KCTD19: variants seen among roughly 807,000 people sequenced by gnomAD.
KCTD19 encodes the protein potassium channel tetramerization domain containing 19.
A neutral mutation model predicts 103.5 loss-of-function variants in KCTD19; 67 were observed. That is an observed-to-expected ratio of 0.65 (90% confidence interval 0.53 to 0.79). The LOEUF (loss-of-function observed/expected upper bound fraction) is 0.79. Among genes scored for constraint, KCTD19 ranks in the 30% least tolerant of loss-of-function variants. The pLI is 0.00. For synonymous variants in KCTD19, 439 were observed against 452.2 expected, an observed-to-expected ratio of 0.97 and a Z score of 0.37; for missense variants, 980 against 1,136.1, an observed-to-expected ratio of 0.86 and a Z score of 1.98.
intron 2 of KCTD19, chr16:67,305,497 TC>T: frequency 2.5e-6 from 1 of 399,854 alleles, no homozygotes; most frequent in Non-Finnish European, 5.0e-6. Flanking sequence ...GCTTGAAGGA[TC>T]AGGCGACCAG....
At chr16:67,292,373 C>T (rs1459755506) in intron 12 of KCTD19, among the ~76,000 whole-genome samples, 2 of 152,150 alleles carry the variant, frequency 1.3e-5, no homozygotes, top group South Asian at 2.1e-4. Context: ...CTCTTCATTG[C>T]CCTGGCATCA....
intron 4 of KCTD19, chr16:67,302,862 C>T (rs1236473679): frequency 1.6e-5 from 7 of 428,310 alleles, no homozygotes; most frequent in Non-Finnish European, 2.5e-5. Context: ...GCTCCCTGCC[C>T]TTCACACCAA....
intron 8 of KCTD19, 64 bp downstream of exon 8, chr16:67,296,095 G>A: frequency 1.1e-6 from 1 of 947,312 alleles, no homozygotes; most frequent in Non-Finnish European, 1.7e-6. Flanking sequence ...GCCAGGTGAT[G>A]GCCCCCAGAG....
Position 67,303,108 on chromosome 16 carries a change from C to CGGGGGGGGGGGGGGGGCG in KCTD19, c.643+37_643+38insCGCCCCCCCCCCCCCCCC. 1.3e-6 allele frequency: 1 copy of CGGGGGGGGGGGGGGGGCG among 798,078 alleles called. No individual in the cohort carries two copies. The highest frequency in any genetic ancestry group is 2.8e-5 in the East Asian group (1 of 36,056). The allele number at this position is 798,078 out of a possible 1,614,324, so 49.4% of individuals were successfully genotyped here. ...ATGGGGAGGGGTGAATGGGCCCTAT[C>CGGGGGGGGGGGGGGGGCG]AGCCCGCCCCCCACCCCACCCCGGA... is the stretch of plus-strand genomic sequence containing the variant. On this transcript the variant is annotated intron_variant, in intron 4 of 15. Transcript: ENST00000304372. This position sits in a 1 kb window ranked among gnomAD's most constrained non-coding sequence, Gnocchi z 4.3.
chr16:67,294,213 T>C (rs758373760), intron 11 of KCTD19, 42 bp from the exon 12 acceptor site: 1 of 1,565,656 alleles, frequency 6.4e-7, no homozygotes, highest in Non-Finnish European at 8.7e-7. Flanking sequence ...AGGTTGGGCA[T>C]GGACATCAAC....
chr16:67,299,644 G>T (rs778014260), intron 5 of KCTD19, 71 bp from the exon 6 acceptor site: 1 of 1,288,394 alleles, frequency 7.8e-7, no homozygotes, highest in South Asian at 1.2e-5. Context: ...TTTGGGGCTC[G>T]GTTCCTACTG....
At position 67,295,243 on chromosome 16, in the gene KCTD19, T is replaced by C; in HGVS notation, c.1391+20A>G. The C allele has an allele frequency of 6.2e-7, 1 of 1,612,884 alleles. No individual in the cohort carries two copies. On this transcript the variant is annotated intron_variant, in intron 9 of 15. Coordinates refer to ENST00000304372, the MANE Select transcript of KCTD19 (RefSeq NM_001100915.3). ...GTCAGCCTTCGTGATTTCATCTTAC[T>C]GCGTCCTTGCTTCACTTACTTAAAT...
chr16:67,311,323 G>A (rs1374491365), intron 2 of KCTD19, among the ~76,000 whole-genome samples: 1 of 151,840 alleles, frequency 6.6e-6, no homozygotes, highest in African/African-American at 2.4e-5. Flanking sequence ...TTGAGATGGA[G>A]TCTCACTCTG....
intron 12 of KCTD19, 63 bp from the exon 13 acceptor site, chr16:67,291,900 T>A: frequency 8.3e-7 from 1 of 1,209,232 alleles, no homozygotes; most frequent in Non-Finnish European, 1.1e-6. Flanking sequence ...CAAGATAGAG[T>A]TTTGCTTTTG....
At chr16:67,317,742 T>C (rs1234620299) in intron 2 of KCTD19, among the ~76,000 whole-genome samples, 1 of 152,214 alleles carries the variant, frequency 6.6e-6, no homozygotes, top group African/African-American at 2.4e-5. Flanking sequence ...AGTATAAAAT[T>C]ACATAAGTGG....
rs533173839 is a variant in KCTD19 at position 67,303,035 on chromosome 16, A to G, written c.643+111T>C. On this transcript the variant is annotated intron_variant, in intron 4 of 15. Coordinates refer to ENST00000304372, the MANE Select transcript of KCTD19 (RefSeq NM_001100915.3). This position sits in a 1 kb window ranked among gnomAD's most constrained non-coding sequence, Gnocchi z 4.3. Reference sequence around the variant, plus strand: ...ATGCTTCCGCTACCTCTGCCCAGGGAAGCTCCTGAGGCCCTGAGCACCAAG... The same window carrying G: ...ATGCTTCCGCTACCTCTGCCCAGGGGAGCTCCTGAGGCCCTGAGCACCAAG... 1.0e-6 allele frequency: 1 copy of G among 998,294 alleles called. No individual in the cohort carries two copies. Among genetic ancestry groups the G allele is most frequent in the Admixed American group, 2.5e-5 (1 of 40,768 alleles). 61.8% of individuals were successfully genotyped at this position (998,294 alleles called of 1,614,324 possible).
At chr16:67,325,463 C>T (rs963350202) in intron 1 of KCTD19, among the ~76,000 whole-genome samples, 28 of 151,552 alleles carry the variant, frequency 1.8e-4, no homozygotes, top group Admixed American at 5.9e-4. Context: ...AGGATGGTCT[C>T]GATCTCCTGA....
At chr16:67,294,265 C>T in intron 11 of KCTD19, 94 bp from the exon 12 acceptor site, 1 of 1,296,792 alleles carries the variant, frequency 7.7e-7, no homozygotes, top group Non-Finnish European at 1.1e-6. Context: ...CAAGACTTCA[C>T]TTGCTCTCCC....
At chr16:67,308,456 C>T (rs540090604) in intron 2 of KCTD19, among the ~76,000 whole-genome samples, 3 of 152,262 alleles carry the variant, frequency 2.0e-5, no homozygotes, top group South Asian at 4.1e-4. Context: ...TGAGCCACTG[C>T]GCCCAGCCTA....
intron 6 of KCTD19, among the ~76,000 whole-genome samples, chr16:67,297,988 C>CTT (rs369980197): frequency 2.2e-5 from 3 of 134,862 alleles, no homozygotes; most frequent in African/African-American, 2.7e-5. Flanking sequence ...GACGGGGTTT[C>CTT]TTTTTTTTTT....
At chr16:67,299,678 C>A in intron 5 of KCTD19, 105 bp from the exon 6 acceptor site, 1 of 873,698 alleles carries the variant, frequency 1.1e-6, no homozygotes, top group Non-Finnish European at 1.8e-6. Context: ...ACCGAGGAGG[C>A]TCAGAGGAAG....
chr16:67,304,527 C>T lies in KCTD19; in HGVS notation c.345G>A (p.Arg115=). The T allele has an allele frequency of 6.2e-7, 1 of 1,614,012 alleles. No individual in the cohort carries two copies. Among genetic ancestry groups the T allele is most frequent in the East Asian group, 2.2e-5 (1 of 44,886 alleles). ...TCTCAGCAACAGGTAGGTCTGCAGGCCGTACGCGTAGATGGTGTTTCCCTT... is the reference window on the plus strand; with the variant it reads ...TCTCAGCAACAGGTAGGTCTGCAGGTCGTACGCGTAGATGGTGTTTCCCTT... The part of the protein sequence containing the change: ...LKEGKHHLRV[R]PADLPVAERA... The change falls in exon 3 of 16, where the codon CGG becomes CGA. Residue 115 remains arginine (R), a synonymous_variant. Transcript: ENST00000304372.
In KCTD19 at chr16:67,320,118, A is replaced by G. The variant is rs1157747158; in HGVS notation, c.300+471T>C. 6.6e-6 allele frequency among the ~76,000 whole-genome samples: 1 copy of G among 152,222 alleles called. No individual in the cohort carries two copies. The highest frequency in any genetic ancestry group is 1.5e-5 in the Non-Finnish European group (1 of 68,036). The stretch of plus-strand genomic sequence containing the variant: ...TATTAAGAACATATAGGCGGGGTGT[A>G]GTGGCTCATGCCGGTAATCCCAGCT... On this transcript the variant is annotated intron_variant, in intron 2 of 15. Coordinates refer to ENST00000304372, the MANE Select transcript of KCTD19 (RefSeq NM_001100915.3). This position sits in a 1 kb window ranked among gnomAD's most constrained non-coding sequence, Gnocchi z 4.0.
chr16:67,297,685 C>A (rs771350027), intron 6 of KCTD19, 22 bp from the exon 7 acceptor site: 2 of 1,610,940 alleles, frequency 1.2e-6, no homozygotes, highest in South Asian at 2.2e-5. Context: ...AAAGGTCTGT[C>A]ATGAAGAACA....
Sources: allele counts gnomAD v4.1 joint callset (sites outside exome capture counted in the v4.1 genomes callset), GRCh38; gene constraint gnomAD v4.1.1; non-coding constraint Gnocchi (gnomAD v3.1); transcripts MANE v1.5; gene names NCBI Gene and HGNC (gene_info 2026-07-23, HGNC 2026-07-21).